The following RPN2 variants were observed in gnomAD, a reference collection of about 807,000 sequenced individuals.
RPN2 encodes ribophorin II.
In RPN2, 29 loss-of-function variants were observed where a neutral mutation model predicts 71.4. That is an observed-to-expected ratio of 0.41 (90% CI 0.30 to 0.55). The LOEUF is 0.55. Among genes scored for constraint, RPN2 ranks in the 20% least tolerant of loss-of-function variants. The pLI is 0.35. For missense variants in RPN2, 726 were observed against 774.1 expected, an observed-to-expected ratio of 0.94 and a Z score of 0.74; for synonymous variants, 308 against 305.0, an observed-to-expected ratio of 1.01 and a Z score of -0.10.
In RPN2 at chr20:37,238,375, A is replaced by G. The variant is rs1375714721; in HGVS notation, c.1883+1666A>G. 4 of 1,592,994 alleles carry G rather than the reference A, an allele frequency of 2.5e-6. No individual in the cohort carries two copies. In the African/African-American group the frequency reaches 5.4e-5, roughly 21 times the overall value. ...TTTCTCCCCTCACTGTCCTTTCTTG[A>G]TTCTCAAACCCTCTTTCCTTTGGCA... is the stretch of plus-strand genomic sequence containing the variant. On this transcript the variant is annotated intron_variant, in intron 16 of 16. Transcript: ENST00000237530.
At chr20:37,202,883 G>A (rs2067424309) in intron 4 of RPN2, among the ~76,000 whole-genome samples, 1 of 152,148 alleles carries the variant, frequency 6.6e-6, no homozygotes, top group Non-Finnish European at 1.5e-5. Context: ...GCTGGTTGCT[G>A]AGGGCTAAGG....
rs752301219 is a variant in RPN2 at position 37,207,448 on chromosome 20, G to A, written c.866G>A (p.Arg289Gln). 3.1e-6 allele frequency: 5 copies of A among 1,613,940 alleles called. No homozygotes were observed. The highest frequency in any genetic ancestry group is 4.2e-6 in the Non-Finnish European group (5 of 1,179,862). ...GACACTCATGAACAGGCTATCTTGC[G>A]GGTAAGACATCCATGCCCAAAGTGT... ...ASDTHEQAIL[R>Q]LQVTNVLSQP... Residue 289 changes from arginine to glutamine, a missense_variant and splice_region_variant, in exon 7 of 17, where the codon CGG (arginine) becomes CAG (glutamine). By Grantham distance (43) the Arg-to-Gln change is conservative. Transcript: ENST00000237530.
intron 1 of RPN2, among the ~76,000 whole-genome samples, chr20:37,181,578 C>T (rs1030790140): frequency 1.3e-5 from 2 of 151,976 alleles, no homozygotes; most frequent in East Asian, 1.9e-4. Flanking sequence ...TCACCATGTG[C>T]GGCTCATGTT....
chr20:37,194,663 C>CAA (rs1312423845), intron 2 of RPN2, among the ~76,000 whole-genome samples: 1 of 152,112 alleles, frequency 6.6e-6, no homozygotes, highest in Non-Finnish European at 1.5e-5. Flanking sequence ...ACAGGGTGTA[C>CAA]AAAGCCTGGA....
chr20:37,204,004 A>G (rs764069093), intron 5 of RPN2, 44 bp downstream of exon 5: 2 of 1,387,968 alleles, frequency 1.4e-6, no homozygotes, highest in Admixed American at 1.7e-5. Context: ...CCTGTCTTTG[A>G]CACTCTGCAG....
At chr20:37,229,547 G>A (rs6017565) in intron 12 of RPN2, among the ~76,000 whole-genome samples, 2 of 152,302 alleles carry the variant, frequency 1.3e-5, no homozygotes, top group Non-Finnish European at 2.9e-5. Flanking sequence ...GCGTTTTCTC[G>A]TGTGGTATTC....
rs572333092 is a variant in RPN2, at chr20:37,241,463, C to T, written c.*148C>T. 5.5e-6 allele frequency: 5 copies of T among 914,086 alleles called. No individual in the cohort carries two copies. The highest frequency in any genetic ancestry group is 1.7e-5 in the African/African-American group (1 of 59,210). 56.6% of individuals were successfully genotyped at this position (914,086 alleles called of 1,614,324 possible). A position where few individuals can be genotyped will look rare whatever the true frequency, so the allele number is the denominator to read the frequency against. On this transcript the variant is annotated 3_prime_UTR_variant, in exon 17 of 17. Coordinates refer to ENST00000237530, the MANE Select transcript of RPN2 (RefSeq NM_002951.5). ...TGTAGTTATACTTTTGCTTGTTTTT[C>T]AGTTTCCCCAACACACAGCAGATAC... is the stretch of plus-strand genomic sequence containing the variant.
chr20:37,231,369 C>CA (rs745365396), intron 13 of RPN2, among the ~76,000 whole-genome samples: 26 of 150,574 alleles, frequency 1.7e-4, no homozygotes, highest in Admixed American at 2.6e-4. Context: ...CAGGAAAAAA[C>CA]AAAAAACAAA....
At chr20:37,202,213 CG>C (rs1336761431) in intron 4 of RPN2, among the ~76,000 whole-genome samples, 1 of 152,174 alleles carries the variant, frequency 6.6e-6, no homozygotes, top group African/African-American at 2.4e-5. Flanking sequence ...GCGTTTATCA[CG>C]GGCAGATGTG....
rs1021957215 is a variant in RPN2 at position 37,220,540 on chromosome 20, G to A, written c.1093-3338G>A. Among the ~76,000 whole-genome samples the A allele has an allele frequency of 3.2e-4, 49 of 152,230 alleles. 2 individuals are homozygous for A. The highest frequency in any genetic ancestry group is 1.9e-4 in the East Asian group (1 of 5,176). ...CAGCAGAAAGACTGCATTTCCTGGC[G>A]TTAAAACATTTTTTGAGATGTATAT... On this transcript the variant is annotated intron_variant, in intron 9 of 16. Transcript: ENST00000237530.
rs150308233 is a variant in RPN2, at chr20:37,234,076, A to G, written c.1734A>G (p.Ile578Met). The change falls in exon 15 of 17, where the codon ATA becomes ATG. Residue 578 changes from isoleucine (I) to methionine (M), a missense_variant. Coordinates refer to ENST00000237530, the MANE Select transcript of RPN2 (RefSeq NM_002951.5). ...TCACTTTTGCTCCTAGCACGATTATATTTCACCTGGGACATGCTGGTAAGT... is the reference window on the plus strand; with the variant it reads ...TCACTTTTGCTCCTAGCACGATTATGTTTCACCTGGGACATGCTGGTAAGT... ...SNFTFAPSTI[I>M]FHLGHAAMLG... 5.1e-5 allele frequency: 83 copies of G among 1,614,104 alleles called. No homozygotes were observed. The African/African-American group carries it at 8.8e-4, about 17-fold the overall frequency.
intron 2 of RPN2, among the ~76,000 whole-genome samples, chr20:37,196,780 T>G (rs918897115): frequency 1.3e-5 from 2 of 152,242 alleles, no homozygotes; most frequent in Non-Finnish European, 2.9e-5. Context: ...TTGATACTGT[T>G]TCTTGGAGTC....
chr20:37,200,373 T>G, intron 4 of RPN2: 1 of 487,082 alleles, frequency 2.1e-6, no homozygotes, highest in South Asian at 1.6e-5. Context: ...TTTTTAACAC[T>G]TAAACTGCTC....
At chr20:37,214,185 CTTAA>C (rs2067749150) in intron 9 of RPN2, among the ~76,000 whole-genome samples, 1 of 152,158 alleles carries the variant, frequency 6.6e-6, no homozygotes, top group Admixed American at 6.5e-5. Flanking sequence ...GCCTTAAACT[CTTAA>C]AGTGTTTTGT....
intron 2 of RPN2, among the ~76,000 whole-genome samples, chr20:37,192,962 A>C (rs1378431925): frequency 6.6e-6 from 1 of 152,130 alleles, no homozygotes; most frequent in Non-Finnish European, 1.5e-5. Flanking sequence ...CCCTGTCTCT[A>C]CAAAAAGTAA....
chr20:37,224,157 G>A (rs73293730), intron 10 of RPN2, among the ~76,000 whole-genome samples, 188 bp downstream of exon 10: 4,228 of 152,254 alleles, frequency 0.028, 72 homozygotes, highest in Middle Eastern at 0.041. Context: ...AGTGGATTTG[G>A]AGATTGTATA....
intron 11 of RPN2, among the ~76,000 whole-genome samples, chr20:37,227,641 C>A (rs913149535): frequency 1.3e-5 from 2 of 152,238 alleles, no homozygotes; most frequent in Non-Finnish European, 2.9e-5. Flanking sequence ...CCTGCCAACT[C>A]ATTTAATGCT....
rs2066951022 is a variant in RPN2 at position 37,184,208 on chromosome 20, G to T, written c.42G>T (p.Leu14=). 6.2e-7 allele frequency: 1 copy of T among 1,614,144 alleles called. No individual in the cohort carries two copies. Among genetic ancestry groups the T allele is most frequent in the Non-Finnish European group, 8.5e-7 (1 of 1,180,024 alleles). The stretch of plus-strand genomic sequence containing the variant: ...CAAGCACTGTCTTCCTGTTGGCCCT[G>T]ACAATCATAGCCAGCACCTGGGCTC... ...PGSSTVFLLA[L]TIIASTWALT... is the part of the protein sequence containing the mutation. The change falls in exon 2 of 17, where the codon CTG becomes CTT. Residue 14 remains leucine (L), a synonymous_variant. Coordinates refer to ENST00000237530, the MANE Select transcript of RPN2 (RefSeq NM_002951.5).
At chr20:37,227,303 C>A (rs928491264) in intron 11 of RPN2, among the ~76,000 whole-genome samples, 3 of 152,216 alleles carry the variant, frequency 2.0e-5, no homozygotes, top group African/African-American at 7.2e-5. Context: ...AGGATTAGAG[C>A]AAGGAGAGTT....
Sources: allele counts gnomAD v4.1 joint callset (sites outside exome capture counted in the v4.1 genomes callset), GRCh38; gene constraint gnomAD v4.1.1; transcripts MANE v1.5; gene names NCBI Gene and HGNC (gene_info 2026-07-23, HGNC 2026-07-21).